STK11: variants seen among roughly 807,000 people sequenced by gnomAD.
STK11 encodes the protein serine/threonine kinase 11.
In STK11, 8 loss-of-function variants were observed where a neutral mutation model predicts 47.3. The observed-to-expected ratio is 0.17, with a 90% CI of 0.10 to 0.31. The LOEUF is 0.31. Ranked by LOEUF, STK11 falls within the 10% of genes least tolerant of loss-of-function variation. The probability of loss-of-function intolerance (pLI) is 1.00; values close to 1 mark genes in which losing one functional copy is unlikely to be tolerated. For missense variants in STK11, 475 were observed against 605.0 expected (o/e 0.79, Z 2.25); for synonymous variants, 330 against 255.8 (o/e 1.29, Z -2.77).
In STK11 at chr19:1,211,015, G is replaced by A. The variant is rs1314153812; in HGVS notation, c.290+3812G>A. ...CTCTCTACTAAAAATAGAAAAACTA[G>A]CCAGGTGTGGTGGCACATGCCAATA... is the stretch of plus-strand genomic sequence containing the variant. On this transcript the variant is annotated intron_variant, in intron 1 of 9. Transcript: ENST00000326873. Among the ~76,000 whole-genome samples the A allele has an allele frequency of 2.0e-5, 3 of 152,232 alleles. No homozygotes were observed. The East Asian group carries it at 5.8e-4, about 29-fold the overall frequency.
rs1448415826 is a variant in STK11 at position 1,218,746 on chromosome 19, A to G, written c.374+246A>G. Among the ~76,000 whole-genome samples, 5 of 152,166 alleles carry G rather than the reference A, an allele frequency of 3.3e-5. 1 individual carries two copies. In the East Asian group the frequency reaches 9.7e-4, roughly 30 times the overall value. ...GGGTGTCAAGTCCCTTTTTTCTCAG[A>G]GTCTCCTCCCAGGCTAACCAGGGGT... On this transcript the variant is annotated intron_variant, in intron 2 of 9. Transcript: ENST00000326873.
chr19:1,214,842 C>G (rs1309952347), intron 1 of STK11, among the ~76,000 whole-genome samples: 2 of 152,220 alleles, frequency 1.3e-5, no homozygotes, highest in Admixed American at 6.5e-5. Context: ...GGGCCACCTT[C>G]CCTGCCGGTA....
intron 9 of STK11, 58 bp downstream of exon 9, chr19:1,226,721 C>T (rs1346526318): frequency 7.0e-7 from 1 of 1,436,166 alleles, no homozygotes. Context: ...ATGCCACAGC[C>T]AGCCGTGAGC....
chr19:1,226,956 C>G, intron 9 of STK11: 1 of 407,336 alleles, frequency 2.5e-6, no homozygotes, highest in Non-Finnish European at 4.4e-6. Flanking sequence ...AGGACCCTGC[C>G]CTGGGCCTGG....
At chr19:1,211,960 G>A (rs551391917) in intron 1 of STK11, among the ~76,000 whole-genome samples, 2 of 152,354 alleles carry the variant, frequency 1.3e-5, no homozygotes, top group East Asian at 1.9e-4. Context: ...AGCCATGTGA[G>A]GCCTGGGTGT....
intron 3 of STK11, 68 bp downstream of exon 3, chr19:1,219,481 G>A (rs948063169): frequency 4.7e-6 from 7 of 1,486,668 alleles, no homozygotes; most frequent in Admixed American, 2.0e-5. Context: ...GCTCCTTTCC[G>A]TGAGGCCACA....
chr19:1,209,320 C>T (rs911743628), intron 1 of STK11, among the ~76,000 whole-genome samples: 1 of 152,116 alleles, frequency 6.6e-6, no homozygotes, highest in Admixed American at 6.5e-5. Context: ...CGGTGGCTCA[C>T]GCCTGTAATC....
Position 1,227,930 on chromosome 19 carries a change from G to C in STK11, c.*354G>C, listed in dbSNP as rs944831682. 2.8e-6 allele frequency: 3 copies of C among 1,070,202 alleles called. No homozygotes were observed. Among genetic ancestry groups the C allele is most frequent in the Middle Eastern group, 4.2e-4 (1 of 2,404 alleles). 66.3% of individuals were successfully genotyped at this position (1,070,202 alleles called of 1,614,324 possible). A position where few individuals can be genotyped will look rare whatever the true frequency, so the allele number is the denominator to read the frequency against. ...CTCCGCAGGGCGCCCAGCGCCGTCC[G>C]GCGGCCCCGCCGCAGACCAGCTGGC... On this transcript the variant is annotated 3_prime_UTR_variant, in exon 10 of 10. Transcript: ENST00000326873.
chr19:1,207,986 G>A (rs918581766), intron 1 of STK11, among the ~76,000 whole-genome samples: 1 of 152,216 alleles, frequency 6.6e-6, no homozygotes, highest in Non-Finnish European at 1.5e-5. Flanking sequence ...GGGGGTGGCC[G>A]GGGGTGTCCC....
chr19:1,219,992 G>A lies in STK11; in HGVS notation c.465-381G>A, dbSNP rs532787007. 2.4e-4 allele frequency: 55 copies of A among 230,382 alleles called. 1 individual carries two copies. The highest frequency in any genetic ancestry group is 1.2e-3 in the African/African-American group (51 of 43,666). The allele number at this position is 230,382 out of a possible 1,614,324, so 14.3% of individuals were successfully genotyped here. A position where few individuals can be genotyped will look rare whatever the true frequency, so the allele number is the denominator to read the frequency against. On this transcript the variant is annotated intron_variant, in intron 3 of 9. Transcript: ENST00000326873. ...TGCTTCCAGCCCATCGCTGGCAGCCGCCTGCCCTGACCAGATCTCCTGGAT... is the reference window on the plus strand; with the variant it reads ...TGCTTCCAGCCCATCGCTGGCAGCCACCTGCCCTGACCAGATCTCCTGGAT...
chr19:1,221,463 T>G, intron 6 of STK11, 123 bp downstream of exon 6: 1 of 1,406,808 alleles, frequency 7.1e-7, no homozygotes, highest in Non-Finnish European at 9.3e-7. Flanking sequence ...TTGAGAGGAC[T>G]GAGTGGAGAG....
At position 1,228,221 on chromosome 19, in the gene STK11, C is replaced by T. The variant is rs1428677846; in HGVS notation, c.*645C>T. 7 of 816,942 alleles carry T rather than the reference C, an allele frequency of 8.6e-6. No individual in the cohort carries two copies. Among genetic ancestry groups the T allele is most frequent in the Non-Finnish European group, 1.1e-5 (7 of 652,936 alleles). 50.6% of individuals were successfully genotyped at this position (816,942 alleles called of 1,614,324 possible). A position where few individuals can be genotyped will look rare whatever the true frequency, so the allele number is the denominator to read the frequency against. ...TTGGCGGCCCGGCCGGAGGGCAGGA[C>T]CCTCACCTCTCCCCCAAGGCCACTG... On this transcript the variant is annotated 3_prime_UTR_variant, in exon 10 of 10. Coordinates refer to ENST00000326873, the MANE Select transcript of STK11 (RefSeq NM_000455.5).
At chr19:1,226,962 C>T (rs750577609) in intron 9 of STK11, 13 of 392,884 alleles carry the variant, frequency 3.3e-5, no homozygotes, top group Non-Finnish European at 4.6e-6. Context: ...CTGCCCTGGG[C>T]CTGGCGCCCC....
chr19:1,227,476 C>A, intron 9 of STK11, 117 bp from the exon 10 acceptor site: 1 of 1,038,556 alleles, frequency 9.6e-7, no homozygotes, highest in South Asian at 4.6e-5. Flanking sequence ...CCTGCTGCCC[C>A]CCAGGAGTCC....
chr19:1,212,907 C>T (rs778535221), intron 1 of STK11, among the ~76,000 whole-genome samples: 19 of 151,668 alleles, frequency 1.3e-4, no homozygotes, highest in Non-Finnish European at 1.0e-4. Context: ...TGGTCTTGAA[C>T]CCCTGACCTT....
Position 1,207,117 on chromosome 19 carries a change from C to T in STK11, c.204C>T (p.Asp68=), listed in dbSNP as rs1337286592. The T allele has an allele frequency of 1.2e-6, 2 of 1,613,852 alleles. No homozygotes were observed. Among genetic ancestry groups the T allele is most frequent in the Non-Finnish European group, 1.7e-6 (2 of 1,179,856 alleles). Residue 68 remains aspartate, a synonymous_variant, in exon 1 of 10, where the codon GAC becomes GAT. Coordinates refer to ENST00000326873, the MANE Select transcript of STK11 (RefSeq NM_000455.5). ...GSYGKVKEVL[D]SETLCRRAVK... is the part of the protein sequence containing the mutation. ...ACGGCAAGGTGAAGGAGGTGCTGGACTCGGAGACGCTGTGCAGGAGGGCCG... is the reference window on the plus strand; with the variant it reads ...ACGGCAAGGTGAAGGAGGTGCTGGATTCGGAGACGCTGTGCAGGAGGGCCG...
chr19:1,214,469 A>G (rs2080732174), intron 1 of STK11, among the ~76,000 whole-genome samples: 1 of 152,168 alleles, frequency 6.6e-6, no homozygotes, highest in African/African-American at 2.4e-5. Flanking sequence ...GAGGCAGGGC[A>G]GGGCGCCTTC....
At chr19:1,211,542 T>C (rs1330071979) in intron 1 of STK11, among the ~76,000 whole-genome samples, 1 of 148,620 alleles carries the variant, frequency 6.7e-6, no homozygotes, top group Non-Finnish European at 1.5e-5. Context: ...AGGCAGGGAG[T>C]CTGCCCGCCT....
chr19:1,226,368 C>T lies in STK11; in HGVS notation c.1109-86C>T, dbSNP rs758217098. On this transcript the variant is annotated intron_variant, in intron 8 of 9. Coordinates refer to ENST00000326873, the MANE Select transcript of STK11 (RefSeq NM_000455.5). The stretch of plus-strand genomic sequence containing the variant: ...ATGGCCTGGGCAGCAGCTGTAAGTG[C>T]GTCCCCGTGGTGGGGGCCAGCCAGG... 71 of 1,541,838 alleles carry T rather than the reference C, an allele frequency of 4.6e-5. No homozygotes were observed. The South Asian group carries it at 4.8e-4, about 10-fold the overall frequency.
Sources: gnomAD v4.1 joint callset for allele counts (sites outside exome capture counted in the v4.1 genomes callset) on GRCh38, gnomAD v4.1.1 for gene constraint, MANE v1.5 for transcripts, NCBI Gene and HGNC (gene_info 2026-07-23, HGNC 2026-07-21) for gene names.